The following DCAF6 variants were observed in gnomAD, a reference collection of about 807,000 sequenced individuals.
DCAF6 encodes the protein DDB1 and CUL4 associated factor 6.
DCAF6 carries 54 observed loss-of-function variants against 125.1 expected under a neutral mutation model. The ratio of observed to expected loss-of-function variants is 0.43; its 90% confidence interval spans 0.35 to 0.54. The LOEUF is 0.54. DCAF6 is among the 20% of genes least tolerant of loss of function. The pLI, the probability that DCAF6 is intolerant of heterozygous loss-of-function variation, is 0.01. For synonymous variants in DCAF6, 371 were observed against 390.4 expected, an observed-to-expected ratio of 0.95 and a Z score of 0.58; for missense variants, 934 against 1,161.7, an observed-to-expected ratio of 0.80 and a Z score of 2.85.
At chr1:168,068,519 A>G (rs1692629553) in intron 21 of DCAF6, 56 bp downstream of exon 21, 14 of 911,510 alleles carry the variant, frequency 1.5e-5, no homozygotes, top group Non-Finnish European at 2.1e-5. Flanking sequence ...ATATATTATT[A>G]TTTAAGATCT....
At chr1:167,878,536 G>T in the DCAF6 span, 6 of 1,614,082 alleles carry the variant, frequency 3.7e-6, no homozygotes, top group Middle Eastern at 1.7e-4. Flanking sequence ...AAAAAAGTAC[G>T]CTGGTAGGTT....
intron 2 of DCAF6, among the ~76,000 whole-genome samples, chr1:167,960,643 T>C (rs1438179433): frequency 6.6e-6 from 1 of 152,180 alleles, no homozygotes; most frequent in Non-Finnish European, 1.5e-5. Flanking sequence ...CACTTATCTT[T>C]CTGTTACTGA....
intron 10 of DCAF6, among the ~76,000 whole-genome samples, chr1:168,007,540 T>A (rs569070161): frequency 6.6e-6 from 1 of 152,292 alleles, no homozygotes; most frequent in South Asian, 2.1e-4. Context: ...CTAGTGACAT[T>A]CACCAGTTTA....
At chr1:167,888,862 G>A in the DCAF6 span, among the ~76,000 whole-genome samples, 11 of 130,822 alleles carry the variant, frequency 8.4e-5, no homozygotes, top group Non-Finnish European at 1.7e-4. Context: ...GGCGAAAGAG[G>A]GAGACTCCGT....
chr1:167,870,915 C>T, the DCAF6 span, among the ~76,000 whole-genome samples: 1 of 151,894 alleles, frequency 6.6e-6, no homozygotes, highest in African/African-American at 2.4e-5. Context: ...TTTTAGCTAA[C>T]CATGTGGTTT....
chr1:167,905,195 T>A, the DCAF6 span: 1 of 1,597,134 alleles, frequency 6.3e-7, no homozygotes, highest in Non-Finnish European at 8.6e-7. Flanking sequence ...TCCAAATAGG[T>A]CTTCTAAAAA....
chr1:167,937,037 TGAG>T, intron 1 of DCAF6, 29 bp downstream of exon 1: 2 of 1,576,388 alleles, frequency 1.3e-6, no homozygotes, highest in Non-Finnish European at 1.7e-6. Flanking sequence ...GCGGAGGCGC[TGAG>T]GTCGCCGCCT....
chr1:168,067,492 T>A (rs1003830420), intron 20 of DCAF6, among the ~76,000 whole-genome samples: 6 of 152,018 alleles, frequency 3.9e-5, no homozygotes, highest in African/African-American at 1.4e-4. Context: ...CTGAGAATAG[T>A]TCACCAGGCA....
At chr1:168,030,865 T>C (rs1454923221) in intron 12 of DCAF6, among the ~76,000 whole-genome samples, 1 of 152,226 alleles carries the variant, frequency 6.6e-6, no homozygotes, top group Non-Finnish European at 1.5e-5. Context: ...CAGGTGACTT[T>C]TTCAGCCACT....
At chr1:167,963,801 A>G (rs898287288) in intron 2 of DCAF6, among the ~76,000 whole-genome samples, 11 of 151,970 alleles carry the variant, frequency 7.2e-5, no homozygotes, top group Non-Finnish European at 1.2e-4. Context: ...AGTTACACCT[A>G]TTTTTTAAAC....
intron 17 of DCAF6, among the ~76,000 whole-genome samples, chr1:168,054,905 C>T (rs1690426397): frequency 6.6e-6 from 1 of 151,682 alleles, no homozygotes; most frequent in African/African-American, 2.4e-5. Flanking sequence ...CAACCTCTGC[C>T]TGCTGGGTTC....
At chr1:168,019,175 AG>A (rs57738266) in intron 11 of DCAF6, among the ~76,000 whole-genome samples, 7,274 of 152,032 alleles carry the variant, frequency 0.048, 416 homozygotes, top group African/African-American at 0.14. Context: ...CAGCCTCCCA[AG>A]TAGCTGGGAT....
chr1:168,070,962 A>C (rs865800426), intron 21 of DCAF6, among the ~76,000 whole-genome samples: 1 of 152,206 alleles, frequency 6.6e-6, no homozygotes, highest in Non-Finnish European at 1.5e-5. Context: ...TAGCACAGAT[A>C]GTTATCATTT....
chr1:167,935,228 T>C (rs1382746754), upstream of DCAF6, among the ~76,000 whole-genome samples: 1 of 152,168 alleles, frequency 6.6e-6, no homozygotes, highest in Admixed American at 6.5e-5. Context: ...TGACACTGAC[T>C]CAAGCCTGGA....
intron 4 of DCAF6, among the ~76,000 whole-genome samples, chr1:167,976,959 A>G (rs1384391447): frequency 1.6e-5 from 2 of 122,258 alleles, no homozygotes; most frequent in Admixed American, 1.2e-4. Context: ...GCTGAAGTGC[A>G]ATGGCATGAT....
the DCAF6 span, chr1:167,878,625 T>A: frequency 1.9e-6 from 3 of 1,614,056 alleles, no homozygotes; most frequent in Non-Finnish European, 2.5e-6. Context: ...AGTTGACTTT[T>A]TGACCAATGA....
chr1:167,910,789 A>ATTC, the DCAF6 span, among the ~76,000 whole-genome samples: 1 of 152,186 alleles, frequency 6.6e-6, no homozygotes, highest in Non-Finnish European at 1.5e-5. Context: ...GCGTAGCTCT[A>ATTC]TTCTTCCCTC....
upstream of DCAF6, among the ~76,000 whole-genome samples, chr1:167,934,265 T>G (rs1670995435): frequency 6.6e-6 from 1 of 152,166 alleles, no homozygotes; most frequent in Admixed American, 6.5e-5. Context: ...TTATTTTAAG[T>G]AGTTTAAAAT....
At chr1:167,945,590 C>T (rs11588503) in intron 1 of DCAF6, among the ~76,000 whole-genome samples, 15,728 of 152,124 alleles carry the variant, frequency 0.1, 904 homozygotes, top group African/African-American at 0.14. Context: ...CTCCCAGGTT[C>T]AAGCACTTCT....
Sources: allele counts gnomAD v4.1 joint callset (sites outside exome capture counted in the v4.1 genomes callset), GRCh38; gene constraint gnomAD v4.1.1; transcripts MANE v1.5; gene names NCBI Gene and HGNC (gene_info 2026-07-23, HGNC 2026-07-21).